TUSC3: variants seen among roughly 807,000 people sequenced by gnomAD.
TUSC3 encodes the protein tumor suppressor candidate 3.
TUSC3 carries 45 observed loss-of-function variants against 44.8 expected under a neutral mutation model. The observed-to-expected ratio is 1.00, with a 90% confidence interval of 0.79 to 1.29. The LOEUF (loss-of-function observed/expected upper bound fraction) is 1.29. TUSC3 is among the 50% of genes most tolerant of loss of function. TUSC3 has a pLI of 0.00. For synonymous variants in TUSC3, 212 were observed against 152.9 expected (o/e 1.39, Z -2.85); for missense variants, 519 against 437.9 (o/e 1.19, Z -1.65).
chr8:15,421,470 C>T (rs920956943), intron 1 of TUSC3, among the ~76,000 whole-genome samples: 1 of 152,212 alleles, frequency 6.6e-6, no homozygotes, highest in African/African-American at 2.4e-5. Context: ...AAAGGCAACA[C>T]CATCTTATTA....
intron 1 of TUSC3, among the ~76,000 whole-genome samples, chr8:15,445,275 GAA>G (rs755062509): frequency 5.9e-5 from 9 of 151,786 alleles, no homozygotes; most frequent in Non-Finnish European, 1.2e-4. Flanking sequence ...GGGTCTCCAG[GAA>G]AAAGTAAAAC....
At chr8:15,571,093 A>C (rs1238153832) in intron 1 of TUSC3, among the ~76,000 whole-genome samples, 1 of 151,122 alleles carries the variant, frequency 6.6e-6, no homozygotes, top group East Asian at 2.0e-4. Context: ...AGCTGGGATT[A>C]TAGGTGCCTG....
At chr8:15,426,880 CA>C (rs1458136625) in intron 1 of TUSC3, among the ~76,000 whole-genome samples, 1 of 152,160 alleles carries the variant, frequency 6.6e-6, no homozygotes, top group Non-Finnish European at 1.5e-5. Flanking sequence ...ACATTTTCTA[CA>C]TCCTTTCAAA....
chr8:15,778,389 A>T, the TUSC3 span, among the ~76,000 whole-genome samples: 2 of 152,302 alleles, frequency 1.3e-5, no homozygotes, highest in South Asian at 2.1e-4. Flanking sequence ...TGGGCTCTTA[A>T]TATTAGTTGT....
At chr8:15,499,980 C>G (rs1219402054) in intron 2 of TUSC3, among the ~76,000 whole-genome samples, 2 of 152,176 alleles carry the variant, frequency 1.3e-5, no homozygotes, top group Non-Finnish European at 2.9e-5. Flanking sequence ...TTCCAGCACT[C>G]TATATTTTAA....
the TUSC3 span, among the ~76,000 whole-genome samples, chr8:15,836,060 T>C: frequency 6.6e-6 from 1 of 152,158 alleles, no homozygotes; most frequent in African/African-American, 2.4e-5. Context: ...CTTGGTCTTA[T>C]ATTATGATCA....
chr8:15,748,297 A>G (rs935104669), intron 8 of TUSC3, 78 bp from the exon 9 acceptor site: 16 of 1,052,624 alleles, frequency 1.5e-5, no homozygotes, highest in Admixed American at 6.8e-5. Context: ...CTGTAATTGA[A>G]TGCATTTAAA....
intron 1 of TUSC3, among the ~76,000 whole-genome samples, chr8:15,460,247 G>C (rs1004881101): frequency 6.6e-6 from 1 of 152,062 alleles, no homozygotes; most frequent in African/African-American, 2.4e-5. Flanking sequence ...GAGTAAGTTG[G>C]TATCGCATTG....
At chr8:15,795,335 GCTGAAA>G in the TUSC3 span, among the ~76,000 whole-genome samples, 1 of 152,184 alleles carries the variant, frequency 6.6e-6, no homozygotes, top group Non-Finnish European at 1.5e-5. Flanking sequence ...TGGCCAGTGA[GCTGAAA>G]CTGATTTTAT....
the TUSC3 span, among the ~76,000 whole-genome samples, chr8:15,774,591 C>G: frequency 2.0e-5 from 3 of 152,248 alleles, no homozygotes; most frequent in South Asian, 6.2e-4. Context: ...ACATTAAGAT[C>G]GTAAATTTCT....
chr8:15,620,273 G>T (rs1017691373), intron 1 of TUSC3, among the ~76,000 whole-genome samples: 3 of 152,164 alleles, frequency 2.0e-5, no homozygotes, highest in African/African-American at 7.2e-5. Flanking sequence ...GTAAGGAAGT[G>T]TAGTCATGGT....
chr8:15,608,399 T>C (rs1804622080), intron 1 of TUSC3, among the ~76,000 whole-genome samples: 1 of 152,144 alleles, frequency 6.6e-6, no homozygotes, highest in South Asian at 2.1e-4. Flanking sequence ...AATTGAACAA[T>C]AGTAGGGACA....
intron 1 of TUSC3, among the ~76,000 whole-genome samples, chr8:15,482,813 A>T (rs1294675993): frequency 6.6e-6 from 1 of 152,242 alleles, no homozygotes; most frequent in Admixed American, 6.5e-5. Context: ...TCCAGTAAAC[A>T]TACAATATTA....
chr8:15,800,561 G>A, the TUSC3 span, among the ~76,000 whole-genome samples: 122 of 150,830 alleles, frequency 8.1e-4, no homozygotes, highest in African/African-American at 2.8e-3. Flanking sequence ...TTTTGGGAGT[G>A]AGACCCTGTC....
chr8:15,648,223 A>G (rs552569417), intron 2 of TUSC3, among the ~76,000 whole-genome samples: 1 of 151,934 alleles, frequency 6.6e-6, no homozygotes, highest in Non-Finnish European at 1.5e-5. Context: ...TTGGTGTTTT[A>G]TTTGGGCAGT....
intron 1 of TUSC3, among the ~76,000 whole-genome samples, chr8:15,582,842 C>T (rs1803430322): frequency 6.6e-6 from 1 of 152,216 alleles, no homozygotes; most frequent in African/African-American, 2.4e-5. Flanking sequence ...AGTGACCTTT[C>T]TTTAAATATG....
the TUSC3 span, among the ~76,000 whole-genome samples, chr8:15,772,946 T>G: frequency 2.9e-5 from 1 of 34,994 alleles, no homozygotes; most frequent in African/African-American, 1.2e-4. Flanking sequence ...TAACCAGATC[T>G]AATACCCATC....
chr8:15,556,640 T>C (rs1435360688), intron 1 of TUSC3, among the ~76,000 whole-genome samples: 3 of 146,292 alleles, frequency 2.1e-5, no homozygotes, highest in African/African-American at 7.5e-5. Flanking sequence ...AGTGTTCCTC[T>C]TTCTCCACAT....
At position 15,698,075 on chromosome 8, in the gene TUSC3, T is replaced by C. The variant is rs189489302; in HGVS notation, c.798+24239T>C. 1.2e-4 allele frequency among the ~76,000 whole-genome samples: 18 copies of C among 152,334 alleles called. No individual in the cohort carries two copies. In the East Asian group the frequency reaches 3.3e-3, roughly 28 times the overall value. On this transcript the variant is annotated intron_variant, in intron 6 of 10. Coordinates refer to ENST00000503731, the MANE Select transcript of TUSC3 (RefSeq NM_006765.4). ...AATTTAAAATATTGCTGTTCTTTAC[T>C]ATAACTTATACTCTTTTATTTTATC...
Sources: gnomAD v4.1 joint callset for allele counts (sites outside exome capture counted in the v4.1 genomes callset) on GRCh38, gnomAD v4.1.1 for gene constraint, MANE v1.5 for transcripts, NCBI Gene and HGNC (gene_info 2026-07-23, HGNC 2026-07-21) for gene names.